The following MTCL2 variants were observed in gnomAD, a reference collection of about 807,000 sequenced individuals.
The protein encoded by MTCL2 is microtubule crosslinking factor 2.
the MTCL2 span, chr20:36,817,581 C>G: frequency 1.1e-6 from 1 of 906,686 alleles, no homozygotes; most frequent in Non-Finnish European, 1.6e-6. Context: ...GGGCCCCAGT[C>G]CCCAGGCCAC....
At chr20:36,831,451 G>A in the MTCL2 span, among the ~76,000 whole-genome samples, 697 of 152,336 alleles carry the variant, frequency 4.6e-3, 2 homozygotes, top group African/African-American at 0.016. Flanking sequence ...AGCAACCCAT[G>A]CCTGCTGGTC....
the MTCL2 span, among the ~76,000 whole-genome samples, chr20:36,847,531 C>G: frequency 6.6e-6 from 1 of 152,130 alleles, no homozygotes; most frequent in Non-Finnish European, 1.5e-5. Context: ...GTACCTGTCA[C>G]TGTCTATGGG....
At chr20:36,783,823 C>G in the MTCL2 span, 1 of 985,244 alleles carries the variant, frequency 1.0e-6, no homozygotes, top group Non-Finnish European at 1.2e-6. Context: ...CCCCCCACCC[C>G]AAAAAAGAAA....
At chr20:36,793,306 C>A in the MTCL2 span, 1 of 1,551,858 alleles carries the variant, frequency 6.4e-7, no homozygotes, top group Non-Finnish European at 8.7e-7. This position sits in a 1 kb window ranked among gnomAD's most constrained non-coding sequence, Gnocchi z 6.8. Flanking sequence ...CCTTCCCCAC[C>A]TGGGGGAGCA....
the MTCL2 span, among the ~76,000 whole-genome samples, chr20:36,844,181 A>G: frequency 2.0e-5 from 3 of 151,994 alleles, no homozygotes; most frequent in Non-Finnish European, 4.4e-5. Context: ...GGTTGCAGTG[A>G]GCTGAGATCA....
At chr20:36,817,266 CAA>C in the MTCL2 span, 34,307 of 504,050 alleles carry the variant, frequency 0.068, no homozygotes, top group East Asian at 0.095. Flanking sequence ...GACTCCGTCT[CAA>C]AAAAAAAAAA....
the MTCL2 span, among the ~76,000 whole-genome samples, chr20:36,824,350 G>T: frequency 6.6e-6 from 1 of 152,200 alleles, no homozygotes; most frequent in Non-Finnish European, 1.5e-5. Context: ...GAGGAATGAG[G>T]TCCTGCTACA....
the MTCL2 span, among the ~76,000 whole-genome samples, chr20:36,841,834 G>C: frequency 5.3e-5 from 8 of 150,832 alleles, no homozygotes; most frequent in Admixed American, 1.3e-4. Context: ...AAGTAGTTGG[G>C]ACCAAAGACA....
chr20:36,808,516 G>C, the MTCL2 span: 47 of 1,590,392 alleles, frequency 3.0e-5, no homozygotes, highest in Admixed American at 5.4e-5. Flanking sequence ...ATCTTACCTC[G>C]AGGAAGTCAT....
chr20:36,832,663 G>A, the MTCL2 span, among the ~76,000 whole-genome samples: 2 of 152,014 alleles, frequency 1.3e-5, no homozygotes, highest in Non-Finnish European at 2.9e-5. Context: ...GTAAAACCCC[G>A]TCTTTGCTGT....
At chr20:36,829,309 T>C in the MTCL2 span, 2 of 1,262,798 alleles carry the variant, frequency 1.6e-6, no homozygotes, top group Non-Finnish European at 2.1e-6. Context: ...AGGGCAACCC[T>C]AGAGACAGGC....
chr20:36,791,280 G>A, the MTCL2 span, among the ~76,000 whole-genome samples: 1 of 151,582 alleles, frequency 6.6e-6, no homozygotes, highest in East Asian at 2.0e-4. Context: ...TGATCCACCC[G>A]CCTCGGCCTC....
the MTCL2 span, chr20:36,859,722 G>C: frequency 8.1e-7 from 1 of 1,231,668 alleles, no homozygotes; most frequent in Non-Finnish European, 1.0e-6. Context: ...ACAAGGGGGA[G>C]GTAAGCCTGA....
At chr20:36,860,488 C>T in the MTCL2 span, among the ~76,000 whole-genome samples, 1 of 152,130 alleles carries the variant, frequency 6.6e-6, no homozygotes, top group Non-Finnish European at 1.5e-5. Flanking sequence ...AAACAGCTGC[C>T]GAATGAACCA....
the MTCL2 span, chr20:36,784,514 G>A: frequency 2.5e-4 from 243 of 985,448 alleles, no homozygotes; most frequent in Non-Finnish European, 2.9e-4. Flanking sequence ...TCTTCCTGAT[G>A]GGCAATTCTG....
chr20:36,814,886 C>CA, the MTCL2 span, among the ~76,000 whole-genome samples: 252 of 151,398 alleles, frequency 1.7e-3, 1 homozygote, highest in African/African-American at 5.8e-3. Flanking sequence ...GACTCCGTCT[C>CA]AAAAAAAATA....
At chr20:36,844,010 G>A in the MTCL2 span, among the ~76,000 whole-genome samples, 27 of 152,282 alleles carry the variant, frequency 1.8e-4, no homozygotes, top group East Asian at 3.5e-3. Flanking sequence ...GGCCAAGGCC[G>A]GCAGATCACG....
chr20:36,830,458 C>T, the MTCL2 span, among the ~76,000 whole-genome samples: 1 of 152,118 alleles, frequency 6.6e-6, no homozygotes, highest in Non-Finnish European at 1.5e-5. Context: ...GGCCCAACTA[C>T]TCAGGAGGCC....
chr20:36,825,644 C>T, the MTCL2 span, among the ~76,000 whole-genome samples: 20 of 152,322 alleles, frequency 1.3e-4, no homozygotes, highest in East Asian at 3.3e-3. Context: ...TGTTCCCAGC[C>T]GGGTGACAGC....
Sources: gnomAD v4.1 joint callset for allele counts (sites outside exome capture counted in the v4.1 genomes callset) on GRCh38, gnomAD v4.1.1 for gene constraint, Gnocchi (gnomAD v3.1) non-coding constraint, MANE v1.5 for transcripts, NCBI Gene and HGNC (gene_info 2026-07-23, HGNC 2026-07-21) for gene names.